Variants in ARHGEF10 observed in about 807,000 individuals in gnomAD.
The protein encoded by ARHGEF10 is Rho guanine nucleotide exchange factor 10, also known as Rho guanine nucleotide exchange factor (GEF) 10.
Under a neutral mutation model 147.4 loss-of-function variants are expected in ARHGEF10, and 140 were observed. The observed-to-expected ratio is 0.95, with a 90% CI of 0.83 to 1.09. The LOEUF is 1.09. Among genes scored for constraint, ARHGEF10 ranks in the 50% least tolerant of loss-of-function variants. The pLI, the probability that ARHGEF10 is intolerant of heterozygous loss-of-function variation, is 0.00. For missense variants in ARHGEF10, 2,222 were observed against 1,752.7 expected (o/e 1.27, Z -4.78); for synonymous variants, 902 against 695.8 (o/e 1.30, Z -4.67).
rs774226986 is a variant in ARHGEF10 at position 1,909,283 on chromosome 8, T to C, written c.1968-12T>C. On this transcript the variant is annotated splice_polypyrimidine_tract_variant and intron_variant, in intron 17 of 28. Coordinates refer to ENST00000349830, the MANE Select transcript of ARHGEF10 (RefSeq NM_014629.4). ...AATTATTCGTAAAACAAGGATCTTT[T>C]GGTCGTTTCAGCCCCTCTCATGACA... 7.4e-6 allele frequency: 12 copies of C among 1,614,138 alleles called. No individual in the cohort carries two copies. Among genetic ancestry groups the C allele is most frequent in the Non-Finnish European group, 9.3e-6 (11 of 1,180,058 alleles).
At position 1,957,649 on chromosome 8, in the gene ARHGEF10, A is replaced by G. The variant is rs1380916939; in HGVS notation, c.*386A>G. ...AGACTAAGAATTTATGAGAAAATAT[A>G]TGTATTCAGTAGTGCAGGCATTTAT... On this transcript the variant is annotated 3_prime_UTR_variant, in exon 29 of 29. Coordinates refer to ENST00000349830, the MANE Select transcript of ARHGEF10 (RefSeq NM_014629.4). 5 of 224,514 alleles carry G rather than the reference A, an allele frequency of 2.2e-5. No homozygotes were observed. Among genetic ancestry groups the G allele is most frequent in the Non-Finnish European group, 4.4e-5 (5 of 113,800 alleles). 13.9% of individuals were successfully genotyped at this position (224,514 alleles called of 1,614,324 possible).
chr8:1,866,509 G>A lies in ARHGEF10; in HGVS notation c.546-17G>A. 5.0e-6 allele frequency: 8 copies of A among 1,612,086 alleles called. No individual in the cohort carries two copies. The highest frequency in any genetic ancestry group is 6.8e-6 in the Non-Finnish European group (8 of 1,179,838). On this transcript the variant is annotated splice_polypyrimidine_tract_variant and intron_variant, in intron 5 of 28. Transcript: ENST00000349830. ...CTGTGCCTGGATATTCTGACTTTAT[G>A]GTTTGTTTTCTTTAAGTGAAGATCA...
rs1439093659 is a variant in ARHGEF10, at chr8:1,894,400, A to T, written c.1268A>T (p.Glu423Val). The stretch of plus-strand genomic sequence containing the variant: ...TTGCTCATTTTGTCTTAGCAATATG[A>T]GAAGCCGCTGTCTGAGATGGAGCCA... Reference protein sequence around the residue: ...DALKRILEQYEKPLSEMEPKV... With the variant: ...DALKRILEQYVKPLSEMEPKV... Residue 423 changes from glutamate (E) to valine (V), a missense_variant, in exon 13 of 29, where the codon GAG (glutamate) becomes GTG (valine). Physicochemically the swap from Glu to Val is moderately radical, Grantham distance 121. Transcript: ENST00000349830. 1 of 1,614,192 alleles carries T rather than the reference A, an allele frequency of 6.2e-7. No individual in the cohort carries two copies. The highest frequency in any genetic ancestry group is 8.5e-7 in the Non-Finnish European group (1 of 1,180,030).
At chr8:1,850,568 A>C (rs1805053824) in intron 2 of ARHGEF10, among the ~76,000 whole-genome samples, 1 of 149,506 alleles carries the variant, frequency 6.7e-6, no homozygotes, top group South Asian at 2.1e-4. Flanking sequence ...ACAGACGGCA[A>C]ATGCTGAGGA....
chr8:1,861,706 C>T (rs1806147278), intron 4 of ARHGEF10, among the ~76,000 whole-genome samples: 1 of 152,164 alleles, frequency 6.6e-6, no homozygotes, highest in African/African-American at 2.4e-5. Flanking sequence ...TAGACGGCCT[C>T]CTGTGCGTTT....
rs778530554 is a variant in ARHGEF10 at position 1,826,088 on chromosome 8, G to C, written c.-48+1975G>C. The C allele has an allele frequency of 5.7e-6, 9 of 1,592,692 alleles. No individual in the cohort carries two copies. In the Admixed American group the frequency reaches 1.2e-4, roughly 21 times the overall value. Reference sequence around the variant, plus strand: ...TTAGCAGCCAACATCGGCAGTTACGGATGCATAACTCTTTATAGACAGATG... The same window carrying C: ...TTAGCAGCCAACATCGGCAGTTACGCATGCATAACTCTTTATAGACAGATG... On this transcript the variant is annotated intron_variant, in intron 1 of 28. Coordinates refer to ENST00000349830, the MANE Select transcript of ARHGEF10 (RefSeq NM_014629.4).
chr8:1,841,361 G>A (rs1223478973), intron 1 of ARHGEF10, among the ~76,000 whole-genome samples: 3 of 152,230 alleles, frequency 2.0e-5, no homozygotes, highest in Non-Finnish European at 4.4e-5. Context: ...GATGAGCAGC[G>A]CCTCCAGGGC....
At chr8:1,832,404 GCAGAGGCAGAGACAGAGAGAGA>G (rs1803185281) in intron 1 of ARHGEF10, among the ~76,000 whole-genome samples, 1 of 53,068 alleles carries the variant, frequency 1.9e-5, no homozygotes, top group Non-Finnish European at 3.9e-5. Context: ...ACAGAGAGAG[GCAGAGGCAGAGACAGAGAGAGA>G]CAGAGGCAGA....
In ARHGEF10 at chr8:1,945,642, C is replaced by A; in HGVS notation, c.3384C>A (p.His1128Gln). ...ACATCAACATCGCCACCCCTGTTCACAACATGCTGCCAGGTAAGGGGACGG... is the reference window on the plus strand; with the variant it reads ...ACATCAACATCGCCACCCCTGTTCAAAACATGCTGCCAGGTAAGGGGACGG... The part of the protein sequence containing the change: ...LQDINIATPV[H>Q]NMLPGHQRLS... Residue 1128 changes from histidine to glutamine, a missense_variant, in exon 27 of 29, where the codon CAC becomes CAA. His to Gln is a conservative substitution (Grantham distance 24, BLOSUM62 0). Coordinates refer to ENST00000349830, the MANE Select transcript of ARHGEF10 (RefSeq NM_014629.4). 1 of 1,614,218 alleles carries A rather than the reference C, an allele frequency of 6.2e-7. No homozygotes were observed. The highest frequency in any genetic ancestry group is 1.1e-5 in the South Asian group (1 of 91,084).
rs1812850424 is a variant in ARHGEF10 at position 1,928,443 on chromosome 8, A to T, written c.2714A>T (p.His905Leu). ...HGFLWIGSCT[H>L]QMGQIAIVSF... ...CTGATTCAGATCGGAAGTTGCACCC[A>T]TCAAATGGGTCAGATTGCCATCGTC... Residue 905 changes from histidine to leucine, a missense_variant, in exon 24 of 29, where the codon CAT (histidine) becomes CTT (leucine). Transcript: ENST00000349830. 1 of 1,610,936 alleles carries T rather than the reference A, an allele frequency of 6.2e-7. No homozygotes were observed. Among genetic ancestry groups the T allele is most frequent in the African/African-American group, 1.3e-5 (1 of 74,744 alleles).
chr8:1,913,623 G>A (rs914924958), intron 18 of ARHGEF10, among the ~76,000 whole-genome samples: 26 of 152,194 alleles, frequency 1.7e-4, no homozygotes, highest in Admixed American at 1.6e-3. Flanking sequence ...CCAGCGTCCC[G>A]TCCCTGCACT....
chr8:1,915,981 C>G (rs1811733831), intron 18 of ARHGEF10, among the ~76,000 whole-genome samples: 1 of 152,246 alleles, frequency 6.6e-6, no homozygotes, highest in Non-Finnish European at 1.5e-5. Context: ...TGTCCAGGAC[C>G]TGACAGCCAG....
At chr8:1,955,193 TC>T (rs1815415024) in intron 28 of ARHGEF10, among the ~76,000 whole-genome samples, 1 of 134,794 alleles carries the variant, frequency 7.4e-6, no homozygotes. Context: ...TCTCACTGTT[TC>T]TCTGGATGGG....
chr8:1,832,986 AGACAG>A lies in ARHGEF10; in HGVS notation c.-48+8874_-48+8878del, dbSNP rs1298600829. On this transcript the variant is annotated intron_variant, in intron 1 of 28. Transcript: ENST00000349830. ...CAGATACAGAGGCAGAGAGAGACAGAGACAGAGGCAGAGACAGGCAGAGAGAGACA... is the reference window on the plus strand; with the variant it reads ...CAGATACAGAGGCAGAGAGAGACAGAAGGCAGAGACAGGCAGAGAGAGACA... Among the ~76,000 whole-genome samples, 9 of 108,794 alleles carry A rather than the reference AGACAG, an allele frequency of 8.3e-5. 2 individuals are homozygous for A. The highest frequency in any genetic ancestry group is 1.4e-4 in the Non-Finnish European group (7 of 50,328). The allele number at this position is 108,794 out of a possible 152,430, so 71.4% of individuals were successfully genotyped here.
intron 2 of ARHGEF10, among the ~76,000 whole-genome samples, chr8:1,845,276 C>T (rs1482121633): frequency 2.6e-5 from 4 of 151,486 alleles, no homozygotes; most frequent in Admixed American, 6.6e-5. Context: ...CCACTTTGGG[C>T]GGCTGTCCCT....
chr8:1,833,988 A>G (rs923209512), intron 1 of ARHGEF10, among the ~76,000 whole-genome samples: 1 of 152,160 alleles, frequency 6.6e-6, no homozygotes, highest in Non-Finnish European at 1.5e-5. Context: ...GGAGACAAGC[A>G]GACACATGCA....
Position 1,893,616 on chromosome 8 carries a change from C to A in ARHGEF10, c.1230C>A (p.Asn410Lys), listed in dbSNP as rs939770411. Residue 410 changes from asparagine to lysine, a missense_variant, in exon 12 of 29, where the codon AAC (asparagine) becomes AAA (lysine). Asn to Lys is a moderately conservative substitution (Grantham distance 94, BLOSUM62 0). Transcript: ENST00000349830. Reference sequence around the variant, plus strand: ...GTTCAGTTGTCGACAGTGAAAAGAACTACGTAGATGCTCTTAAGAGGATTT... The same window carrying A: ...GTTCAGTTGTCGACAGTGAAAAGAAATACGTAGATGCTCTTAAGAGGATTT... ...ILGSVVDSEK[N>K]YVDALKRILE... 1.9e-6 allele frequency: 3 copies of A among 1,613,386 alleles called. No individual in the cohort carries two copies. The highest frequency in any genetic ancestry group is 2.5e-6 in the Non-Finnish European group (3 of 1,179,594).
intron 17 of ARHGEF10, among the ~76,000 whole-genome samples, chr8:1,906,782 G>C (rs1256906658): frequency 6.6e-6 from 1 of 152,172 alleles, no homozygotes; most frequent in Non-Finnish European, 1.5e-5. Flanking sequence ...GGATCAAGGC[G>C]AGAACGTTCA....
intron 18 of ARHGEF10, among the ~76,000 whole-genome samples, chr8:1,912,362 C>A (rs530516551): frequency 6.6e-6 from 1 of 151,948 alleles, no homozygotes; most frequent in South Asian, 2.1e-4. Flanking sequence ...GCTCGCCGTC[C>A]CTGCAAAAGT....
Sources: gnomAD v4.1 joint callset for allele counts (sites outside exome capture counted in the v4.1 genomes callset) on GRCh38, gnomAD v4.1.1 for gene constraint, MANE v1.5 for transcripts, NCBI Gene and HGNC (gene_info 2026-07-23, HGNC 2026-07-21) for gene names.